The following PEBP4 variants were observed in gnomAD, a reference collection of about 807,000 sequenced individuals.
PEBP4 encodes phosphatidylethanolamine-binding protein 4.
In PEBP4, 22 loss-of-function variants were observed where a neutral mutation model predicts 23.9. The observed-to-expected ratio is 0.92, with a 90% confidence interval of 0.66 to 1.31. The LOEUF is 1.31. PEBP4 is among the 40% of genes most tolerant of loss of function. The pLI is 0.00. For missense variants in PEBP4, 324 were observed against 281.7 expected (o/e 1.15, Z -1.07); for synonymous variants, 112 against 99.3 (o/e 1.13, Z -0.76).
chr8:22,797,259 A>AC (rs1806280903), intron 4 of PEBP4, among the ~76,000 whole-genome samples: 4 of 151,248 alleles, frequency 2.6e-5, no homozygotes, highest in African/African-American at 9.7e-5. Context: ...GTCTCAAAAA[A>AC]AAAAAAAAAA....
chr8:22,924,182 C>T (rs1159425504), intron 2 of PEBP4, among the ~76,000 whole-genome samples: 1 of 152,064 alleles, frequency 6.6e-6, no homozygotes, highest in African/African-American at 2.4e-5. Context: ...GGACTACATA[C>T]CGAGACTCCC....
intron 4 of PEBP4, among the ~76,000 whole-genome samples, chr8:22,770,613 G>A (rs576662420): frequency 4.6e-5 from 7 of 152,332 alleles, no homozygotes; most frequent in African/African-American, 1.4e-4. Context: ...GTGACTGTGT[G>A]ATTTTTCAAT....
rs75974032 is a variant in PEBP4, at chr8:22,881,802, C to T, written c.258+38382G>A. Reference sequence around the variant, plus strand: ...GATGAAACTGTGGAGTGGGAGGCCACGCTCCATTACTACTTGTGTGGCCGT... The same window carrying T: ...GATGAAACTGTGGAGTGGGAGGCCATGCTCCATTACTACTTGTGTGGCCGT... On this transcript the variant is annotated intron_variant, in intron 3 of 6. Coordinates refer to ENST00000256404, the MANE Select transcript of PEBP4 (RefSeq NM_144962.3). 6.9e-3 allele frequency among the ~76,000 whole-genome samples: 1,053 copies of T among 152,316 alleles called. 17 individuals carry two copies. Among genetic ancestry groups the T allele is most frequent in the African/African-American group, 0.024 (1,015 of 41,566 alleles).
chr8:22,761,503 C>A (rs1428755673), intron 4 of PEBP4, among the ~76,000 whole-genome samples: 4 of 152,220 alleles, frequency 2.6e-5, no homozygotes. Flanking sequence ...CCCTTCTGCT[C>A]ACTGCTCTGT....
intron 4 of PEBP4, among the ~76,000 whole-genome samples, chr8:22,781,452 T>C (rs1369209766): frequency 3.3e-5 from 5 of 151,426 alleles, no homozygotes; most frequent in Admixed American, 6.6e-5. Flanking sequence ...CGCTTTTTAC[T>C]TTTTTTTTGG....
intron 3 of PEBP4, among the ~76,000 whole-genome samples, chr8:22,842,305 C>T (rs148494355): frequency 5.9e-4 from 89 of 152,012 alleles, no homozygotes; most frequent in African/African-American, 2.0e-3. Flanking sequence ...GGAGGGGATC[C>T]CTAAGGACTG....
At chr8:22,734,685 T>G (rs1804818326) in intron 4 of PEBP4, among the ~76,000 whole-genome samples, 1 of 152,054 alleles carries the variant, frequency 6.6e-6, no homozygotes. Flanking sequence ...GCTGCCAAAG[T>G]TGGGTGGGCA....
At position 22,913,985 on chromosome 8, in the gene PEBP4, C is replaced by T. The variant is rs1042491732; in HGVS notation, c.258+6199G>A. On this transcript the variant is annotated intron_variant, in intron 3 of 6. Coordinates refer to ENST00000256404, the MANE Select transcript of PEBP4 (RefSeq NM_144962.3). ...AGGTGTGAACTACCAGGCCTGGCTA[C>T]TTTTTTTTTTTTTTTTTTTTGAGAC... Among the ~76,000 whole-genome samples, 8 of 123,102 alleles carry T rather than the reference C, an allele frequency of 6.5e-5. No homozygotes were observed. The East Asian group carries it at 1.8e-3, about 28-fold the overall frequency. The allele number at this position is 123,102 out of a possible 152,430, so 80.8% of individuals were successfully genotyped here. A position where few individuals can be genotyped will look rare whatever the true frequency, so the allele number is the denominator to read the frequency against.
At chr8:22,815,666 G>A (rs143728737) in intron 4 of PEBP4, among the ~76,000 whole-genome samples, 4 of 152,338 alleles carry the variant, frequency 2.6e-5, no homozygotes, top group Non-Finnish European at 5.9e-5. Flanking sequence ...CGGGAAGGCC[G>A]AGGGCCGCAC....
At chr8:22,919,283 T>C (rs10216634) in intron 3 of PEBP4, among the ~76,000 whole-genome samples, 30,103 of 152,102 alleles carry the variant, frequency 0.2, 3,056 homozygotes, top group African/African-American at 0.21. Flanking sequence ...AGCCTTGGTG[T>C]GTGTGCTTGG....
chr8:22,819,224 T>C (rs1252346522), intron 3 of PEBP4, among the ~76,000 whole-genome samples: 1 of 152,092 alleles, frequency 6.6e-6, no homozygotes, highest in Non-Finnish European at 1.5e-5. Context: ...AAGGGGACTT[T>C]AGAGCCAAAA....
chr8:22,798,963 C>T (rs1350085230), intron 4 of PEBP4, among the ~76,000 whole-genome samples: 1 of 151,964 alleles, frequency 6.6e-6, no homozygotes, highest in Non-Finnish European at 1.5e-5. Flanking sequence ...GTCTCGAACT[C>T]CTGACCTCAA....
At chr8:22,821,140 C>T (rs942858307) in intron 3 of PEBP4, among the ~76,000 whole-genome samples, 28 of 152,160 alleles carry the variant, frequency 1.8e-4, no homozygotes, top group Admixed American at 1.8e-3. Context: ...TGAGCCATGA[C>T]TGCACCACTG....
chr8:22,913,985 CT>C (rs1165242168), intron 3 of PEBP4, among the ~76,000 whole-genome samples: 6,927 of 123,040 alleles, frequency 0.056, 417 homozygotes, highest in African/African-American at 0.17. Flanking sequence ...GGCCTGGCTA[CT>C]TTTTTTTTTT....
chr8:22,895,910 C>T (rs1330709336), intron 3 of PEBP4: 1 of 152,246 alleles, frequency 6.6e-6, no homozygotes. Context: ...GCCTAGGTGG[C>T]ATTGGCCCTG....
At chr8:22,756,854 T>G (rs1439264930) in intron 4 of PEBP4, 1 of 152,184 alleles carries the variant, frequency 6.6e-6, no homozygotes, top group East Asian at 1.9e-4. Context: ...CTGACCTCCC[T>G]CAGTCTCTGG....
chr8:22,741,225 T>C (rs1037355064), intron 4 of PEBP4, among the ~76,000 whole-genome samples: 1 of 152,192 alleles, frequency 6.6e-6, no homozygotes, highest in Non-Finnish European at 1.5e-5. Flanking sequence ...CTGCCATCTC[T>C]GCTGAGCTGC....
chr8:22,896,399 C>T (rs1442314438), intron 3 of PEBP4, among the ~76,000 whole-genome samples: 1 of 152,280 alleles, frequency 6.6e-6, no homozygotes, highest in East Asian at 1.9e-4. Context: ...TCAGAGCCAT[C>T]CTCAGGCTAA....
At chr8:22,850,922 C>T (rs1385452165) in intron 3 of PEBP4, among the ~76,000 whole-genome samples, 1 of 152,180 alleles carries the variant, frequency 6.6e-6, no homozygotes, top group Non-Finnish European at 1.5e-5. Context: ...GTCCCACTTC[C>T]AGGAAAAGAA....
Sources: gnomAD v4.1 joint callset for allele counts (sites outside exome capture counted in the v4.1 genomes callset) on GRCh38, gnomAD v4.1.1 for gene constraint, MANE v1.5 for transcripts, NCBI Gene and HGNC (gene_info 2026-07-23, HGNC 2026-07-21) for gene names.